Variants in PRKN observed in about 807,000 individuals in gnomAD.
The protein encoded by PRKN is E3 ubiquitin-protein ligase parkin.
In PRKN, 56 loss-of-function variants were observed where a neutral mutation model predicts 59.5. The ratio of observed to expected loss-of-function variants is 0.94; its 90% CI spans 0.76 to 1.18. PRKN has a LOEUF of 1.18. Ranked by LOEUF, PRKN falls within the 50% of genes most tolerant of loss-of-function variation. The pLI, the probability that PRKN is intolerant of heterozygous loss-of-function variation, is 0.00. For missense variants in PRKN, 657 were observed against 596.4 expected, an observed-to-expected ratio of 1.10 and a Z score of -1.06; for synonymous variants, 250 against 222.1, an observed-to-expected ratio of 1.13 and a Z score of -1.12.
At chr6:161,928,638 C>T (rs751194135) in intron 6 of PRKN, among the ~76,000 whole-genome samples, 7 of 152,102 alleles carry the variant, frequency 4.6e-5, no homozygotes, top group African/African-American at 1.2e-4. Flanking sequence ...ATTTGCCAGA[C>T]GCCATAGTAT....
intron 1 of PRKN, among the ~76,000 whole-genome samples, chr6:162,705,996 C>G (rs1778324975): frequency 6.6e-6 from 1 of 152,128 alleles, no homozygotes; most frequent in South Asian, 2.1e-4. Flanking sequence ...CCTCCGCCAG[C>G]CCCTGCTAAT....
intron 1 of PRKN, among the ~76,000 whole-genome samples, chr6:162,495,718 A>G (rs748445336): frequency 4.6e-5 from 7 of 152,120 alleles, no homozygotes; most frequent in Non-Finnish European, 7.4e-5. Flanking sequence ...ACTGCCGCCA[A>G]GTGTTGTTCA....
At chr6:161,821,827 C>T (rs886164457) in intron 6 of PRKN, among the ~76,000 whole-genome samples, 4 of 134,968 alleles carry the variant, frequency 3.0e-5, no homozygotes, top group Non-Finnish European at 6.1e-5. Flanking sequence ...CGGCTCACTG[C>T]AACTTCTGCG....
chr6:162,173,477 T>C (rs972147943), intron 4 of PRKN, among the ~76,000 whole-genome samples: 1 of 152,086 alleles, frequency 6.6e-6, no homozygotes, highest in African/African-American at 2.4e-5. Flanking sequence ...TTGACACTTG[T>C]GAGCAGCCAC....
rs983980697 is a variant in PRKN at position 161,705,853 on chromosome 6, CCTT to C, written c.871+79916_871+79918del. On this transcript the variant is annotated intron_variant, in intron 7 of 11. Coordinates refer to ENST00000366898, the MANE Select transcript of PRKN (RefSeq NM_004562.3). ...TGGTGCATACCCCTATGTTGTTGTA[CCTT>C]CTTAGCTTCTACTCCATTGTCAGAT... Among the ~76,000 whole-genome samples the C allele has an allele frequency of 2.0e-5, 3 of 152,084 alleles. No homozygotes were observed. The East Asian group carries it at 5.8e-4, about 29-fold the overall frequency.
intron 2 of PRKN, among the ~76,000 whole-genome samples, chr6:162,333,973 GGATA>G (rs1355552723): frequency 1.3e-5 from 2 of 152,166 alleles, no homozygotes; most frequent in East Asian, 3.9e-4. Flanking sequence ...TGAGTTATCT[GGATA>G]CAAGATCGAA....
chr6:161,567,241 T>C (rs191961820), intron 8 of PRKN, among the ~76,000 whole-genome samples: 2 of 152,204 alleles, frequency 1.3e-5, no homozygotes, highest in East Asian at 1.9e-4. Context: ...GGTTTCACTA[T>C]TTCACTATGT....
At chr6:162,086,519 C>T (rs1051474466) in intron 4 of PRKN, among the ~76,000 whole-genome samples, 1 of 152,174 alleles carries the variant, frequency 6.6e-6, no homozygotes, top group African/African-American at 2.4e-5. Context: ...CAAAATACAA[C>T]ATTTAAAAAT....
intron 9 of PRKN, among the ~76,000 whole-genome samples, chr6:161,416,239 C>G (rs1164335669): frequency 3.3e-5 from 5 of 152,128 alleles, no homozygotes; most frequent in Non-Finnish European, 7.3e-5. Context: ...TCAGAGCTAA[C>G]AGACGCACTG....
At chr6:162,108,410 GC>G (rs1780282713) in intron 4 of PRKN, among the ~76,000 whole-genome samples, 1 of 152,084 alleles carries the variant, frequency 6.6e-6, no homozygotes, top group African/African-American at 2.4e-5. Flanking sequence ...CTATAATTAT[GC>G]ATATTTCATC....
At chr6:161,822,877 G>C (rs1004766452) in intron 6 of PRKN, among the ~76,000 whole-genome samples, 2 of 151,972 alleles carry the variant, frequency 1.3e-5, no homozygotes, top group Non-Finnish European at 2.9e-5. Flanking sequence ...TGTATCCTTT[G>C]CCAATTTTTT....
intron 7 of PRKN, among the ~76,000 whole-genome samples, chr6:161,764,236 G>T (rs768144803): frequency 1.3e-5 from 2 of 152,122 alleles, no homozygotes; most frequent in Non-Finnish European, 2.9e-5. Flanking sequence ...TAGCTGCATG[G>T]TTTTTCATAA....
At chr6:162,526,572 C>T (rs1413277242) in intron 1 of PRKN, among the ~76,000 whole-genome samples, 3 of 151,448 alleles carry the variant, frequency 2.0e-5, no homozygotes, top group African/African-American at 7.3e-5. Context: ...ATCATTTGAA[C>T]CCGGGAGGCG....
intron 1 of PRKN, among the ~76,000 whole-genome samples, chr6:162,717,349 G>C (rs1778767586): frequency 6.6e-6 from 1 of 151,980 alleles, no homozygotes; most frequent in African/African-American, 2.4e-5. Flanking sequence ...GACTGAGGTG[G>C]GAAGATGACT....
intron 9 of PRKN, among the ~76,000 whole-genome samples, chr6:161,511,732 C>T (rs1165054893): frequency 5.9e-5 from 9 of 152,052 alleles, no homozygotes; most frequent in Non-Finnish European, 1.3e-4. Flanking sequence ...TTGCAGCATT[C>T]CAAGGCCAGG....
intron 4 of PRKN, among the ~76,000 whole-genome samples, chr6:162,102,566 C>T (rs143550276): frequency 1.7e-3 from 266 of 152,266 alleles, no homozygotes; most frequent in Non-Finnish European, 2.4e-3. Flanking sequence ...ATTCTGGAGA[C>T]GACCTTCACT....
chr6:161,652,196 T>C lies in PRKN; in HGVS notation c.872-82780A>G, dbSNP rs1413467939. On this transcript the variant is annotated intron_variant, in intron 7 of 11. Transcript: ENST00000366898. ...CAAGAAACAGGGGCAGCATTAGCCA[T>C]GAGGAAATGCTGTTTTGTTACACAT... Among the ~76,000 whole-genome samples, 5 of 152,190 alleles carry C rather than the reference T, an allele frequency of 3.3e-5. No individual in the cohort carries two copies. The East Asian group carries it at 9.6e-4, about 29-fold the overall frequency.
intron 2 of PRKN, among the ~76,000 whole-genome samples, chr6:162,392,062 G>A (rs1299544102): frequency 6.6e-6 from 1 of 151,206 alleles, no homozygotes; most frequent in Non-Finnish European, 1.5e-5. Context: ...GGATGCTATT[G>A]ATTAGTACAT....
chr6:161,950,536 C>A (rs1779948897), intron 6 of PRKN, among the ~76,000 whole-genome samples: 1 of 152,018 alleles, frequency 6.6e-6, no homozygotes, highest in Non-Finnish European at 1.5e-5. Context: ...CAGAGTGAGA[C>A]TCAGTCTCAA....
Sources: allele counts gnomAD v4.1 joint callset (sites outside exome capture counted in the v4.1 genomes callset), GRCh38; gene constraint gnomAD v4.1.1; transcripts MANE v1.5; gene names NCBI Gene and HGNC (gene_info 2026-07-23, HGNC 2026-07-21).